MARCHF1: variants seen among roughly 807,000 people sequenced by gnomAD.
MARCHF1 encodes the protein membrane associated ring-CH-type finger 1.
MARCHF1 carries 40 observed loss-of-function variants against 54.2 expected under a neutral mutation model. That is an observed-to-expected ratio of 0.74 (90% CI 0.57 to 0.96). The LOEUF (loss-of-function observed/expected upper bound fraction) is 0.96. MARCHF1 is among the 40% of genes least tolerant of loss of function. The probability of loss-of-function intolerance (pLI) is 0.00; values close to 1 mark genes in which losing one functional copy is unlikely to be tolerated. For synonymous variants in MARCHF1, 236 were observed against 236.3 expected, an observed-to-expected ratio of 1.00 and a Z score of 0.01; for missense variants, 586 against 656.5, an observed-to-expected ratio of 0.89 and a Z score of 1.17.
intron 4 of MARCHF1, among the ~76,000 whole-genome samples, chr4:163,719,030 C>A (rs1035723410): frequency 6.6e-6 from 1 of 152,006 alleles, no homozygotes; most frequent in African/African-American, 2.4e-5. Flanking sequence ...TCTTCAAGCT[C>A]ATCTTTTTTA....
chr4:163,741,365 AC>A (rs1185213130), intron 4 of MARCHF1, among the ~76,000 whole-genome samples: 1 of 151,848 alleles, frequency 6.6e-6, no homozygotes, highest in African/African-American at 2.4e-5. Flanking sequence ...TGGGTGGATT[AC>A]TTGAGGTCAG....
At chr4:163,537,248 T>G (rs1738566382) in intron 9 of MARCHF1, among the ~76,000 whole-genome samples, 1 of 152,212 alleles carries the variant, frequency 6.6e-6, no homozygotes, top group Non-Finnish European at 1.5e-5. Context: ...ACTTGCCTCC[T>G]TTTATTGAGA....
chr4:163,851,354 C>T (rs1749636932), intron 4 of MARCHF1, among the ~76,000 whole-genome samples: 1 of 152,124 alleles, frequency 6.6e-6, no homozygotes, highest in Non-Finnish European at 1.5e-5. Flanking sequence ...AGGATTGTGC[C>T]TGTGATTGAC....
intron 1 of MARCHF1, among the ~76,000 whole-genome samples, chr4:164,326,497 A>C (rs1358310905): frequency 1.3e-5 from 2 of 152,220 alleles, no homozygotes; most frequent in Admixed American, 6.5e-5. Context: ...GATAGTTGCT[A>C]GCAAAATTGT....
At chr4:164,032,663 T>C (rs893464026) in intron 2 of MARCHF1, among the ~76,000 whole-genome samples, 10 of 152,228 alleles carry the variant, frequency 6.6e-5, no homozygotes, top group Non-Finnish European at 1.5e-4. Context: ...TTCTTAATCC[T>C]GAGTTCTAAT....
chr4:164,310,818 A>C (rs907024325), intron 1 of MARCHF1, among the ~76,000 whole-genome samples: 2 of 152,172 alleles, frequency 1.3e-5, no homozygotes, highest in African/African-American at 4.8e-5. Flanking sequence ...ATATAAAAAC[A>C]TAATTTATCA....
At chr4:163,647,556 T>C (rs942012675) in intron 5 of MARCHF1, among the ~76,000 whole-genome samples, 1 of 151,984 alleles carries the variant, frequency 6.6e-6, no homozygotes, top group Non-Finnish European at 1.5e-5. Flanking sequence ...TAAAATTGTA[T>C]GCAGTATCTT....
intron 5 of MARCHF1, among the ~76,000 whole-genome samples, chr4:163,632,602 A>T (rs1742140526): frequency 6.6e-6 from 1 of 152,188 alleles, no homozygotes; most frequent in Admixed American, 6.5e-5. Flanking sequence ...TCCTATGCCC[A>T]CGGAGTCTCG....
At chr4:163,575,881 C>A (rs1057131822) in intron 8 of MARCHF1, among the ~76,000 whole-genome samples, 1 of 151,838 alleles carries the variant, frequency 6.6e-6, no homozygotes, top group South Asian at 2.1e-4. Context: ...TCTGGGAGAT[C>A]GGTTGTAATG....
chr4:164,001,203 G>A (rs1753180229), intron 2 of MARCHF1, among the ~76,000 whole-genome samples: 1 of 151,696 alleles, frequency 6.6e-6, no homozygotes, highest in Admixed American at 6.6e-5. Flanking sequence ...AGTGTCTGTA[G>A]GGGAATAATT....
At chr4:163,946,617 C>A (rs76737410) in intron 3 of MARCHF1, among the ~76,000 whole-genome samples, 2,819 of 152,258 alleles carry the variant, frequency 0.019, 46 homozygotes, top group South Asian at 0.045. Context: ...TAATCTCCCC[C>A]AAACAGATTG....
intron 3 of MARCHF1, among the ~76,000 whole-genome samples, chr4:163,916,392 C>T (rs1751307156): frequency 9.9e-6 from 1 of 101,166 alleles, no homozygotes; most frequent in African/African-American, 5.6e-5. Context: ...CAGTAGAAGT[C>T]ATTCTAAGAA....
At chr4:163,908,935 A>G (rs774168544) in intron 3 of MARCHF1, among the ~76,000 whole-genome samples, 5 of 152,136 alleles carry the variant, frequency 3.3e-5, no homozygotes, top group Admixed American at 2.0e-4. Flanking sequence ...CTGGGGACCA[A>G]TAGGATTCTC....
intron 1 of MARCHF1, among the ~76,000 whole-genome samples, chr4:164,226,829 A>C (rs780574932): frequency 6.6e-6 from 1 of 152,038 alleles, no homozygotes; most frequent in African/African-American, 2.4e-5. Flanking sequence ...TTTTTTACCC[A>C]TAACAGCTGA....
intron 5 of MARCHF1, among the ~76,000 whole-genome samples, chr4:163,655,834 A>C (rs1329542827): frequency 1.3e-5 from 2 of 152,068 alleles, no homozygotes; most frequent in Non-Finnish European, 2.9e-5. Context: ...TTAAGGCAGA[A>C]ATCAAGAAGT....
intron 4 of MARCHF1, among the ~76,000 whole-genome samples, chr4:163,804,101 A>G (rs1164536049): frequency 6.6e-6 from 1 of 152,226 alleles, no homozygotes; most frequent in Non-Finnish European, 1.5e-5. Context: ...CAGTGAAATG[A>G]TCTGTTAAAG....
intron 4 of MARCHF1, among the ~76,000 whole-genome samples, chr4:163,756,364 C>G (rs559704999): frequency 1.5e-3 from 222 of 152,098 alleles, no homozygotes; most frequent in African/African-American, 4.9e-3. Context: ...CATGGTGGCT[C>G]ATGCCTGTAA....
chr4:163,596,267 G>A (rs941278113), intron 7 of MARCHF1, among the ~76,000 whole-genome samples: 17 of 151,938 alleles, frequency 1.1e-4, no homozygotes, highest in African/African-American at 4.1e-4. Flanking sequence ...TTGGCTGGGC[G>A]CCGATGGCTC....
intron 2 of MARCHF1, among the ~76,000 whole-genome samples, chr4:164,031,505 A>T (rs1045723163): frequency 1.3e-5 from 2 of 151,992 alleles, no homozygotes; most frequent in African/African-American, 4.8e-5. Context: ...AATATGGTCC[A>T]GGAATAACTA....
Sources: gnomAD v4.1 joint callset for allele counts (sites outside exome capture counted in the v4.1 genomes callset) on GRCh38, gnomAD v4.1.1 for gene constraint, MANE v1.5 for transcripts, NCBI Gene and HGNC (gene_info 2026-07-23, HGNC 2026-07-21) for gene names.